Variants in ZFYVE9 observed in about 807,000 individuals in gnomAD.
The protein encoded by ZFYVE9 is zinc finger FYVE-type containing 9.
A neutral mutation model predicts 126.7 loss-of-function variants in ZFYVE9; 43 were observed. That is an observed-to-expected ratio of 0.34 (90% confidence interval 0.27 to 0.44). The LOEUF (loss-of-function observed/expected upper bound fraction) is 0.44, where lower values mean the gene tolerates loss of function less well. ZFYVE9 is among the 20% of genes least tolerant of loss of function. ZFYVE9 has a pLI of 1.00. For synonymous variants in ZFYVE9, 521 were observed against 597.4 expected (o/e 0.87, Z 1.87); for missense variants, 1,476 against 1,697.0 (o/e 0.87, Z 2.29).
chr1:52,155,707 A>G (rs116367860), intron 1 of ZFYVE9, among the ~76,000 whole-genome samples: 194 of 152,188 alleles, frequency 1.3e-3, no homozygotes, highest in African/African-American at 4.5e-3. Flanking sequence ...TGTTGCCCCT[A>G]CTCAATACTA....
At chr1:52,158,126 A>C (rs2124506544) in intron 1 of ZFYVE9, among the ~76,000 whole-genome samples, 1 of 152,302 alleles carries the variant, frequency 6.6e-6, no homozygotes, top group Non-Finnish European at 1.5e-5. Flanking sequence ...TCCCTGCCAC[A>C]GTGTTAATTC....
intron 13 of ZFYVE9, among the ~76,000 whole-genome samples, chr1:52,319,631 A>T (rs1335079107): frequency 6.6e-6 from 1 of 150,684 alleles, no homozygotes; most frequent in East Asian, 2.1e-4. Flanking sequence ...TCAAAAAAAA[A>T]ATAAAATAAA....
intron 2 of ZFYVE9, among the ~76,000 whole-genome samples, chr1:52,232,562 C>T (rs1281171677): frequency 6.6e-6 from 1 of 151,748 alleles, no homozygotes; most frequent in Non-Finnish European, 1.5e-5. Flanking sequence ...AACCCTGTCT[C>T]TACTAAAAAT....
chr1:52,316,748 G>A (rs1646189521), intron 13 of ZFYVE9, among the ~76,000 whole-genome samples: 1 of 152,136 alleles, frequency 6.6e-6, no homozygotes, highest in African/African-American at 2.4e-5. Context: ...AATAATATTT[G>A]GAGATTTCAA....
chr1:52,274,265 A>G lies in ZFYVE9; in HGVS notation c.2626-199A>G, dbSNP rs554912305. 1.3e-4 allele frequency among the ~76,000 whole-genome samples: 20 copies of G among 152,314 alleles called. No homozygotes were observed. The South Asian group carries it at 4.1e-3, about 32-fold the overall frequency. ...TGATACCAAAAGGAGAAACTTACACATTTGAAAACATTTTCATAGTATAAG... is the reference window on the plus strand; with the variant it reads ...TGATACCAAAAGGAGAAACTTACACGTTTGAAAACATTTTCATAGTATAAG... On this transcript the variant is annotated intron_variant, in intron 7 of 18. Coordinates refer to ENST00000287727, the MANE Select transcript of ZFYVE9 (RefSeq NM_004799.4).
chr1:52,315,882 G>A (rs116408235), intron 13 of ZFYVE9, among the ~76,000 whole-genome samples: 3 of 152,236 alleles, frequency 2.0e-5, no homozygotes, highest in South Asian at 4.1e-4. Context: ...AAACACGGCC[G>A]GGGCTGGGCG....
chr1:52,148,947 ATTTTTTTTTTTTTTTTT>A (rs56300233), intron 1 of ZFYVE9, among the ~76,000 whole-genome samples: 56 of 34,266 alleles, frequency 1.6e-3, no homozygotes, highest in Admixed American at 2.3e-3. Flanking sequence ...CCTTAACATG[ATTTTTTTTTTTTTTTTT>A]TTTTTTTTTT....
In ZFYVE9 at chr1:52,196,865, A is replaced by G. The variant is rs563820258; in HGVS notation, c.-142-19504A>G. ...GTAGATGTAGAGAAGTAAGCAAAAA[A>G]GAAAGTGACAAAAGTATAAACTGGA... On this transcript the variant is annotated intron_variant, in intron 1 of 18. Coordinates refer to ENST00000287727, the MANE Select transcript of ZFYVE9 (RefSeq NM_004799.4). Among the ~76,000 whole-genome samples the G allele has an allele frequency of 4.6e-4, 69 of 151,524 alleles. 1 individual carries two copies. In the South Asian group the frequency reaches 0.014, roughly 30 times the overall value.
At chr1:52,334,813 T>A (rs762399276) in intron 15 of ZFYVE9, 45 bp downstream of exon 15, 1 of 1,585,800 alleles carries the variant, frequency 6.3e-7, no homozygotes, top group Non-Finnish European at 8.7e-7. Flanking sequence ...ACTGAACTTA[T>A]GTACATAAAG....
chr1:52,181,526 G>C (rs532295417), intron 1 of ZFYVE9, among the ~76,000 whole-genome samples: 1 of 152,158 alleles, frequency 6.6e-6, no homozygotes, highest in African/African-American at 2.4e-5. Context: ...AGGGAGAAGC[G>C]TCTCTGCCTG....
intron 2 of ZFYVE9, among the ~76,000 whole-genome samples, chr1:52,223,132 T>C (rs1645139552): frequency 6.6e-6 from 1 of 152,160 alleles, no homozygotes; most frequent in African/African-American, 2.4e-5. Flanking sequence ...TTGGTGGGAC[T>C]CAAGATGGAA....
At chr1:52,160,005 G>A (rs1336910337) in intron 1 of ZFYVE9, among the ~76,000 whole-genome samples, 2 of 148,248 alleles carry the variant, frequency 1.3e-5, no homozygotes, top group South Asian at 4.4e-4. Flanking sequence ...TTTTTTTTTT[G>A]GTAGAAATTA....
intron 13 of ZFYVE9, among the ~76,000 whole-genome samples, chr1:52,307,298 C>CA (rs1414129589): frequency 1.3e-5 from 2 of 152,048 alleles, no homozygotes; most frequent in East Asian, 3.9e-4. Context: ...TGCAGTGGCA[C>CA]AATCTTGGCT....
intron 2 of ZFYVE9, among the ~76,000 whole-genome samples, chr1:52,225,084 C>T (rs1645157225): frequency 6.6e-6 from 1 of 152,190 alleles, no homozygotes; most frequent in South Asian, 2.1e-4. Flanking sequence ...CTCACTCACA[C>T]ACTTTCAACC....
intron 4 of ZFYVE9, chr1:52,253,793 G>A (rs1463927928): frequency 6.2e-7 from 1 of 1,602,730 alleles, no homozygotes; most frequent in African/African-American, 1.3e-5. Flanking sequence ...CAATCAGATG[G>A]CTCCCAGCCT....
At chr1:52,196,219 A>C (rs538852346) in intron 1 of ZFYVE9, among the ~76,000 whole-genome samples, 1 of 152,374 alleles carries the variant, frequency 6.6e-6, no homozygotes, top group East Asian at 1.9e-4. Context: ...AAAAGCTCTC[A>C]AACAGTGAGT....
chr1:52,266,405 T>TTAAAAA (rs1181730554), intron 5 of ZFYVE9, among the ~76,000 whole-genome samples: 1 of 85,628 alleles, frequency 1.2e-5, no homozygotes, highest in South Asian at 4.8e-4. Context: ...TCTAATTCTT[T>TTAAAAA]AAAAAAAAAA....
intron 2 of ZFYVE9, among the ~76,000 whole-genome samples, chr1:52,228,866 T>C (rs1261157720): frequency 6.6e-6 from 1 of 152,038 alleles, no homozygotes; most frequent in Non-Finnish European, 1.5e-5. Context: ...ATATTTTGTC[T>C]GTTCTAGTTG....
chr1:52,203,429 T>A (rs1325831673), intron 1 of ZFYVE9, among the ~76,000 whole-genome samples: 2 of 149,682 alleles, frequency 1.3e-5, no homozygotes, highest in Non-Finnish European at 3.0e-5. Flanking sequence ...ATGATCCACC[T>A]GCCTCGGCCT....
Sources: gnomAD v4.1 joint callset for allele counts (sites outside exome capture counted in the v4.1 genomes callset) on GRCh38, gnomAD v4.1.1 for gene constraint, MANE v1.5 for transcripts, NCBI Gene and HGNC (gene_info 2026-07-23, HGNC 2026-07-21) for gene names.